Variants in ZNF233 observed in about 807,000 individuals in gnomAD.
The protein encoded by ZNF233 is zinc finger protein 233.
Under a neutral mutation model 11.6 loss-of-function variants are expected in ZNF233, and 7 were observed. The ratio of observed to expected loss-of-function variants is 0.60; its 90% CI spans 0.34 to 1.13. ZNF233 has a LOEUF of 1.13. ZNF233 is among the 50% of genes most tolerant of loss of function. The pLI is 0.03. For synonymous variants in ZNF233, 226 were observed against 268.5 expected (o/e 0.84, Z 1.55); for missense variants, 711 against 785.5 (o/e 0.91, Z 1.13).
Position 44,273,460 on chromosome 19 carries a change from T to TA in ZNF233, c.802dup (p.Ser268LysfsTer5), listed in dbSNP as rs1975300007. ...ACCTCTGATGAAAATGGAAAAGGCT[T>TA]AAGTGTTGGCTCTAATCTTGAACTT... On this transcript the variant is annotated frameshift_variant, in exon 5 of 5. Transcript: ENST00000683810. LOFTEE classifies it low-confidence loss of function (END_TRUNC). The TA allele has an allele frequency of 1.2e-6, 2 of 1,614,052 alleles. No homozygotes were observed.
At chr19:44,265,443 C>T (rs8106766) in intron 2 of ZNF233, among the ~76,000 whole-genome samples, 69,745 of 149,960 alleles carry the variant, frequency 0.47, 17,280 homozygotes, top group South Asian at 0.65. Context: ...TTTTTTGAGA[C>T]GGAGTCTTGC....
rs1480350809 is a variant in ZNF233, at chr19:44,273,657, CAG to C, written c.1002_1003del (p.Arg334SerfsTer27). Reference protein sequence around the residue: ...FSQGSHLQPHQRVSTGENLYR... With the variant: ...FSQGSHLQPHXRVSTGENLYR... ...TCAGGGCTCACATCTGCAACCTCAT[CAG>C]AGAGTCAGCACAGGAGAGAACCTCT... is the stretch of plus-strand genomic sequence containing the variant. On this transcript the variant is annotated frameshift_variant, in exon 5 of 5. Transcript: ENST00000683810. LOFTEE classifies it low-confidence loss of function (END_TRUNC). The C allele has an allele frequency of 6.2e-7, 1 of 1,614,092 alleles. No homozygotes were observed. Among genetic ancestry groups the C allele is most frequent in the Non-Finnish European group, 8.5e-7 (1 of 1,179,984 alleles).
At position 44,274,430 on chromosome 19, in the gene ZNF233, A is replaced by C. The variant is rs1330685644; in HGVS notation, c.1770A>C (p.Lys590Asn). Residue 590 changes from lysine (K) to asparagine (N), a missense_variant, in exon 5 of 5, where the codon AAA (lysine) becomes AAC (asparagine). By Grantham distance (94) the Lys-to-Asn change is moderately conservative. Coordinates refer to ENST00000683810, the MANE Select transcript of ZNF233 (RefSeq NM_001207005.2). ...ATCAGAGAGTCCACACAGGAGAGAA[A>C]CCATACAAATGTGAAGAATGTAGGA... ...QAHQRVHTGEKPYKCEECRKG... is the reference protein window; with the variant it reads ...QAHQRVHTGENPYKCEECRKG... 6.2e-7 allele frequency: 1 copy of C among 1,614,082 alleles called. No homozygotes were observed. The highest frequency in any genetic ancestry group is 8.5e-7 in the Non-Finnish European group (1 of 1,180,030).
chr19:44,269,377 C>T (rs1207637075), intron 4 of ZNF233, among the ~76,000 whole-genome samples: 2 of 151,910 alleles, frequency 1.3e-5, no homozygotes, highest in Admixed American at 1.3e-4. Context: ...CTGGCTGCAA[C>T]CTCTGCCTCT....
At chr19:44,271,838 C>A (rs1469987455) in intron 4 of ZNF233, among the ~76,000 whole-genome samples, 2 of 151,892 alleles carry the variant, frequency 1.3e-5, no homozygotes, top group African/African-American at 4.8e-5. Context: ...AGTGATTATT[C>A]TTATGGACAA....
chr19:44,262,238 G>T (rs1478894383), intron 1 of ZNF233, among the ~76,000 whole-genome samples: 1 of 152,172 alleles, frequency 6.6e-6, no homozygotes, highest in African/African-American at 2.4e-5. Flanking sequence ...ACAGATGCTT[G>T]ATTTACTAAT....
At chr19:44,271,714 G>C (rs1014213628) in intron 4 of ZNF233, among the ~76,000 whole-genome samples, 8 of 151,968 alleles carry the variant, frequency 5.3e-5, no homozygotes, top group African/African-American at 1.9e-4. Flanking sequence ...GTTTCACCAT[G>C]TTAGCCAGGA....
intron 2 of ZNF233, among the ~76,000 whole-genome samples, chr19:44,265,224 TATGAG>T (rs1975039727): frequency 6.6e-6 from 1 of 152,086 alleles, no homozygotes; most frequent in African/African-American, 2.4e-5. Context: ...AGCTCCTACT[TATGAG>T]AGAGAACATA....
In ZNF233 at chr19:44,269,139, A is replaced by T. The variant is rs560743299; in HGVS notation, c.238+2178A>T. Among the ~76,000 whole-genome samples, 22 of 151,244 alleles carry T rather than the reference A, an allele frequency of 1.5e-4. 1 individual carries two copies. The South Asian group carries it at 4.2e-3, about 29-fold the overall frequency. On this transcript the variant is annotated intron_variant, in intron 4 of 4. Transcript: ENST00000683810. ...TTGACTGACTGCCTCATTTTTAAAA[A>T]TTTTCTTTTTTTGTTTTTGACTGCC...
At position 44,266,292 on chromosome 19, in the gene ZNF233, T is replaced by C. The variant is rs1462044525; in HGVS notation, c.110T>C (p.Met37Thr). ...CAGAGAAAGCTGTACCAAGATGTGATGCTGGAGAACTTCAGGAACCTGCTG... is the reference window on the plus strand; with the variant it reads ...CAGAGAAAGCTGTACCAAGATGTGACGCTGGAGAACTTCAGGAACCTGCTG... The part of the protein sequence containing the change: ...LAQRKLYQDV[M>T]LENFRNLLSV... Residue 37 changes from methionine to threonine, a missense_variant, in exon 3 of 5, where the codon ATG (methionine) becomes ACG (threonine). Transcript: ENST00000683810. 1 of 1,610,108 alleles carries C rather than the reference T, an allele frequency of 6.2e-7. No homozygotes were observed.
Position 44,273,205 on chromosome 19 carries a change from T to C in ZNF233, c.545T>C (p.Phe182Ser), listed in dbSNP as rs1280905334. The change falls in exon 5 of 5, where the codon TTC becomes TCC. Residue 182 changes from phenylalanine to serine, a missense_variant. Physicochemically the swap from Phe to Ser is radical, Grantham distance 155 (BLOSUM62 -2). Transcript: ENST00000683810. ...CTTCCATTGAGGACCACCTGGGATT[T>C]CTGGAGGAAAATGTATCTGAGAGAA... ...QELPLRTTWD[F>S]WRKMYLREPQ... The C allele has an allele frequency of 6.2e-7, 1 of 1,613,766 alleles. No homozygotes were observed. Among genetic ancestry groups the C allele is most frequent in the Non-Finnish European group, 8.5e-7 (1 of 1,180,038 alleles).
At chr19:44,270,447 G>A (rs760949294) in intron 4 of ZNF233, among the ~76,000 whole-genome samples, 9 of 151,790 alleles carry the variant, frequency 5.9e-5, no homozygotes, top group South Asian at 2.1e-4. Context: ...CTTGAACCCC[G>A]GAGGCAGAGG....
At chr19:44,262,143 T>C (rs1974955792) in intron 1 of ZNF233, among the ~76,000 whole-genome samples, 1 of 152,250 alleles carries the variant, frequency 6.6e-6, no homozygotes, top group Admixed American at 6.5e-5. Context: ...TGTGTCATTC[T>C]TTGATTCTGT....
intron 4 of ZNF233, among the ~76,000 whole-genome samples, chr19:44,272,525 G>A (rs1427283621): frequency 6.6e-6 from 1 of 151,978 alleles, no homozygotes; most frequent in African/African-American, 2.4e-5. Context: ...ACGAGGTCAG[G>A]AGATCGAGAC....
chr19:44,265,832 T>C (rs558735705), intron 2 of ZNF233, among the ~76,000 whole-genome samples: 6 of 152,348 alleles, frequency 3.9e-5, no homozygotes, highest in African/African-American at 7.2e-5. Flanking sequence ...TTTTTCAGCG[T>C]TGGGACTAAA....
At chr19:44,265,395 A>C (rs868811748) in intron 2 of ZNF233, among the ~76,000 whole-genome samples, 2 of 150,708 alleles carry the variant, frequency 1.3e-5, no homozygotes, top group African/African-American at 4.9e-5. Context: ...ACACACACAC[A>C]CACACACACA....
At chr19:44,264,445 T>C (rs1406856634) in intron 2 of ZNF233, 70 bp downstream of exon 2, 3 of 1,462,016 alleles carry the variant, frequency 2.1e-6, no homozygotes, top group East Asian at 2.4e-5. Context: ...CACTTTTTTT[T>C]CTCTTCCTTG....
chr19:44,273,207 T>G lies in ZNF233; in HGVS notation c.547T>G (p.Trp183Gly). The change falls in exon 5 of 5, where the codon TGG becomes GGG. Residue 183 changes from tryptophan (W) to glycine (G), a missense_variant. Coordinates refer to ENST00000683810, the MANE Select transcript of ZNF233 (RefSeq NM_001207005.2). ...ELPLRTTWDF[W>G]RKMYLREPQN... ...TCCATTGAGGACCACCTGGGATTTC[T>G]GGAGGAAAATGTATCTGAGAGAACC... The G allele has an allele frequency of 6.2e-7, 1 of 1,613,764 alleles. No individual in the cohort carries two copies. The highest frequency in any genetic ancestry group is 8.5e-7 in the Non-Finnish European group (1 of 1,180,040).
chr19:44,266,243 G>A lies in ZNF233; in HGVS notation c.61G>A (p.Glu21Lys), dbSNP rs776259948. ...TGTGGCTGTGGTCTTCACCAGGGAG[G>A]AGCTGGGGTTGCTGGACCTTGCCCA... Reference protein sequence around the residue: ...KDVAVVFTREELGLLDLAQRK... With the variant: ...KDVAVVFTREKLGLLDLAQRK... The change falls in exon 3 of 5, where the codon GAG (glutamate) becomes AAG (lysine). Residue 21 changes from glutamate (E) to lysine (K), a missense_variant. Transcript: ENST00000683810. 6 of 1,612,670 alleles carry A rather than the reference G, an allele frequency of 3.7e-6. No individual in the cohort carries two copies. The African/African-American group carries it at 5.3e-5, about 14-fold the overall frequency.
Sources: allele counts gnomAD v4.1 joint callset (sites outside exome capture counted in the v4.1 genomes callset), GRCh38; gene constraint gnomAD v4.1.1; transcripts MANE v1.5; gene names NCBI Gene and HGNC (gene_info 2026-07-23, HGNC 2026-07-21).